The following SUCLG2 variants were observed in gnomAD, a reference collection of about 807,000 sequenced individuals.
The protein encoded by SUCLG2 is succinate-CoA ligase GDP-forming subunit beta.
Under a neutral mutation model 47.9 loss-of-function variants are expected in SUCLG2, and 42 were observed. That is an observed-to-expected ratio of 0.88 (90% CI 0.69 to 1.14). The LOEUF is 1.14. SUCLG2 is among the 50% of genes most tolerant of loss of function. The pLI is 0.00. For missense variants in SUCLG2, 571 were observed against 525.9 expected (o/e 1.09, Z -0.84); for synonymous variants, 195 against 197.3 (o/e 0.99, Z 0.10).
intron 10 of SUCLG2, among the ~76,000 whole-genome samples, chr3:67,363,895 T>C (rs1701841516): frequency 6.6e-6 from 1 of 151,090 alleles, no homozygotes; most frequent in Non-Finnish European, 1.5e-5. Flanking sequence ...TCAGATCTCC[T>C]AGGGATTTAA....
At position 67,393,837 on chromosome 3, in the gene SUCLG2, G is replaced by A. The variant is rs1435549808; in HGVS notation, c.1183+6894C>T. Among the ~76,000 whole-genome samples, 10 of 152,154 alleles carry A rather than the reference G, an allele frequency of 6.6e-5. No homozygotes were observed. The East Asian group carries it at 7.7e-4, about 12-fold the overall frequency. ...TCTGAGACAAAACTTCCAGAGGAAC[G>A]ATCAGACAGCAGCATTCGCGGTTCA... On this transcript the variant is annotated intron_variant, in intron 10 of 10. Transcript: ENST00000307227.
rs185725258 is a variant in SUCLG2, at chr3:67,472,823, T to C, written c.1062+22975A>G. The stretch of plus-strand genomic sequence containing the variant: ...CCAAGGCGGGCTGGAGTGGGGATAA[T>C]GATATACTTCAAATTCCATTTATAA... On this transcript the variant is annotated intron_variant, in intron 9 of 10. Coordinates refer to ENST00000307227, the MANE Select transcript of SUCLG2 (RefSeq NM_003848.4). Among the ~76,000 whole-genome samples, 236 of 152,292 alleles carry C rather than the reference T, an allele frequency of 1.5e-3. 2 individuals are homozygous for C. The highest frequency in any genetic ancestry group is 2.9e-3 in the African/African-American group (122 of 41,560).
At chr3:67,409,115 T>A (rs1263172315) in intron 9 of SUCLG2, 1 of 1,386,156 alleles carries the variant, frequency 7.2e-7, no homozygotes, top group African/African-American at 1.4e-5. Flanking sequence ...AATACAGATA[T>A]TTCCTGTTTA....
At chr3:67,621,484 A>G (rs1700735988) in intron 1 of SUCLG2, among the ~76,000 whole-genome samples, 1 of 152,198 alleles carries the variant, frequency 6.6e-6, no homozygotes, top group African/African-American at 2.4e-5. Flanking sequence ...TATAGTTTGA[A>G]TGTTTCTTCC....
chr3:67,486,865 T>C (rs1002872013), intron 9 of SUCLG2, among the ~76,000 whole-genome samples: 3 of 152,204 alleles, frequency 2.0e-5, no homozygotes, highest in Non-Finnish European at 2.9e-5. Flanking sequence ...TGGGAACATG[T>C]GCATTGGGTG....
chr3:67,437,752 TAA>T (rs1239915223), intron 9 of SUCLG2, among the ~76,000 whole-genome samples: 1 of 152,110 alleles, frequency 6.6e-6, no homozygotes, highest in African/African-American at 2.4e-5. Flanking sequence ...GTAAAGTTCT[TAA>T]GAGATGATAA....
At chr3:67,491,230 GAA>G (rs533129424) in intron 9 of SUCLG2, among the ~76,000 whole-genome samples, 6 of 64,178 alleles carry the variant, frequency 9.3e-5, no homozygotes, top group African/African-American at 1.9e-4. Context: ...TAAGTCAGAA[GAA>G]AAAAAAAAAA....
chr3:67,384,519 C>A (rs768964476), intron 10 of SUCLG2, among the ~76,000 whole-genome samples: 1 of 152,234 alleles, frequency 6.6e-6, no homozygotes, highest in Non-Finnish European at 1.5e-5. Context: ...AGCCTAAAAT[C>A]CTGCCCTTTA....
chr3:67,506,158 A>G (rs1234929179), intron 7 of SUCLG2, among the ~76,000 whole-genome samples: 1 of 152,210 alleles, frequency 6.6e-6, no homozygotes, highest in Admixed American at 6.5e-5. Context: ...GATTATAAAT[A>G]TTAAGATTAT....
chr3:67,624,853 C>G (rs1366837596), intron 1 of SUCLG2, among the ~76,000 whole-genome samples: 1 of 152,214 alleles, frequency 6.6e-6, no homozygotes, highest in African/African-American at 2.4e-5. Flanking sequence ...GCCTGTCACA[C>G]TGTCCAGGAA....
At chr3:67,583,398 T>C (rs1707931825) in intron 2 of SUCLG2, among the ~76,000 whole-genome samples, 1 of 152,200 alleles carries the variant, frequency 6.6e-6, no homozygotes, top group Non-Finnish European at 1.5e-5. Flanking sequence ...AAATATCATG[T>C]CACCTTGAGC....
In SUCLG2 at chr3:67,609,456, T is replaced by A; in HGVS notation, c.225A>T (p.Leu75=). The A allele has an allele frequency of 6.2e-7, 1 of 1,611,492 alleles. No homozygotes were observed. Among genetic ancestry groups the A allele is most frequent in the South Asian group, 1.1e-5 (1 of 90,824 alleles). Residue 75 remains leucine (L), a splice_region_variant and synonymous_variant, in exon 2 of 11, where the codon CTA becomes CTT. Coordinates refer to ENST00000307227, the MANE Select transcript of SUCLG2 (RefSeq NM_003848.4). ...ANEALEAAKR[L]NAKEIVLKAQ... is the part of the protein sequence containing the mutation. ...TTCACCCATTATGAATCAGCTTACT[T>A]AGTCTCTTAGCAGCCTCGAGAGCTT...
At chr3:67,426,858 C>T (rs576081149) in intron 9 of SUCLG2, among the ~76,000 whole-genome samples, 20 of 152,084 alleles carry the variant, frequency 1.3e-4, no homozygotes, top group African/African-American at 4.1e-4. Flanking sequence ...ACCCTGGAAG[C>T]GGAGGTTGCA....
intron 2 of SUCLG2, among the ~76,000 whole-genome samples, chr3:67,563,743 A>G (rs902982770): frequency 6.6e-5 from 10 of 152,108 alleles, no homozygotes; most frequent in African/African-American, 2.4e-4. Flanking sequence ...GCAGATCACA[A>G]GGTCAGGAGA....
chr3:67,451,473 G>T lies in SUCLG2; in HGVS notation c.1062+44325C>A, dbSNP rs7637790. ...GTGACAAAACAAAAATCAACCAGAT[G>T]TTAAATAATCCTCAAGGGAGGTACA... On this transcript the variant is annotated intron_variant, in intron 9 of 10. Coordinates refer to ENST00000307227, the MANE Select transcript of SUCLG2 (RefSeq NM_003848.4). Among the ~76,000 whole-genome samples the T allele has an allele frequency of 6.7e-3, 1,023 of 152,304 alleles. 13 individuals carry two copies. The highest frequency in any genetic ancestry group is 0.023 in the African/African-American group (936 of 41,556).
intron 9 of SUCLG2, among the ~76,000 whole-genome samples, chr3:67,401,669 G>A (rs1433569879): frequency 6.7e-6 from 1 of 150,308 alleles, no homozygotes; most frequent in Non-Finnish European, 1.5e-5. Context: ...AGATAATGAA[G>A]AGAATTCATT....
intron 9 of SUCLG2, among the ~76,000 whole-genome samples, chr3:67,436,438 A>T (rs1703624516): frequency 6.6e-6 from 1 of 152,182 alleles, no homozygotes; most frequent in Admixed American, 6.5e-5. Flanking sequence ...GTAAACCAAC[A>T]TCAAGAAGGC....
chr3:67,636,802 A>G (rs1701018608), intron 1 of SUCLG2, among the ~76,000 whole-genome samples: 2 of 144,694 alleles, frequency 1.4e-5, no homozygotes. Flanking sequence ...GGCTGGCAGT[A>G]TCTTTTTTTT....
At chr3:67,432,579 T>A (rs1178647496) in intron 9 of SUCLG2, among the ~76,000 whole-genome samples, 3 of 152,198 alleles carry the variant, frequency 2.0e-5, no homozygotes, top group African/African-American at 7.2e-5. Context: ...TTACACCTGG[T>A]AAAATCCTGC....
Sources: gnomAD v4.1 joint callset for allele counts (sites outside exome capture counted in the v4.1 genomes callset) on GRCh38, gnomAD v4.1.1 for gene constraint, MANE v1.5 for transcripts, NCBI Gene and HGNC (gene_info 2026-07-23, HGNC 2026-07-21) for gene names.